HECW1: variants seen among roughly 807,000 people sequenced by gnomAD.
HECW1 encodes the protein E3 ubiquitin-protein ligase HECW1.
Under a neutral mutation model 182.3 loss-of-function variants are expected in HECW1, and 61 were observed. That is an observed-to-expected ratio of 0.33 (90% CI 0.27 to 0.41). The LOEUF (loss-of-function observed/expected upper bound fraction) is 0.41, where lower values mean the gene tolerates loss of function less well. Among genes scored for constraint, HECW1 ranks in the 10% least tolerant of loss-of-function variants. The pLI, the probability that HECW1 is intolerant of heterozygous loss-of-function variation, is 1.00. For synonymous variants in HECW1, 859 were observed against 832.6 expected (o/e 1.03, Z -0.55); for missense variants, 1,739 against 2,108.9 (o/e 0.82, Z 3.44).
chr7:43,162,774 A>G (rs2152658430), intron 2 of HECW1, among the ~76,000 whole-genome samples: 1 of 152,326 alleles, frequency 6.6e-6, no homozygotes, highest in South Asian at 2.1e-4. Context: ...CTCCCATACT[A>G]CTGTAATAAT....
At chr7:43,366,325 A>G (rs568456002) in intron 6 of HECW1, among the ~76,000 whole-genome samples, 1 of 152,328 alleles carries the variant, frequency 6.6e-6, no homozygotes, top group Admixed American at 6.5e-5. Context: ...AGTCTCCTGC[A>G]GTGGACAAAT....
chr7:43,366,399 T>C (rs1401260533), intron 6 of HECW1, among the ~76,000 whole-genome samples: 1 of 152,200 alleles, frequency 6.6e-6, no homozygotes, highest in African/African-American at 2.4e-5. Flanking sequence ...GTAGCATTTT[T>C]CTTGGGGATT....
chr7:43,450,315 T>A (rs1220035517), intron 11 of HECW1, among the ~76,000 whole-genome samples: 1 of 152,092 alleles, frequency 6.6e-6, no homozygotes, highest in East Asian at 1.9e-4. Flanking sequence ...CCTTGACCTG[T>A]CTTGGTACCA....
chr7:43,215,750 C>T (rs1204416632), intron 2 of HECW1, among the ~76,000 whole-genome samples: 1 of 152,160 alleles, frequency 6.6e-6, no homozygotes, highest in East Asian at 1.9e-4. Context: ...TGAAAGACAT[C>T]TACTTAACTG....
chr7:43,456,322 C>T lies in HECW1; in HGVS notation c.2526C>T (p.His842=), dbSNP rs747591150. The T allele has an allele frequency of 2.7e-5, 44 of 1,612,992 alleles. No individual in the cohort carries two copies. Among genetic ancestry groups the T allele is most frequent in the African/African-American group, 9.3e-5 (7 of 74,890 alleles). ...ACTGGGAAGCTCGAATTGACAGCCA[C>T]GGGCGGGTCTTTTATGTGGACCACG... ...PPNWEARIDS[H]GRVFYVDHVN... The change falls in exon 13 of 30, where the codon CAC becomes CAT. Residue 842 remains histidine, a synonymous_variant. Transcript: ENST00000395891.
intron 3 of HECW1, chr7:43,248,790 C>G (rs1044047131): frequency 6.6e-6 from 1 of 151,476 alleles, no homozygotes; most frequent in African/African-American, 2.4e-5. Flanking sequence ...TTTCCCCTCC[C>G]CCTCCTCATA....
At chr7:43,118,482 C>T (rs1178766123) in intron 2 of HECW1, 1 of 152,470 alleles carries the variant, frequency 6.6e-6, no homozygotes, top group Admixed American at 6.5e-5. Context: ...TCAGTGCCGT[C>T]AGTACCAGAG....
chr7:43,129,622 GAAAAAC>G (rs1562576351), intron 2 of HECW1, among the ~76,000 whole-genome samples: 3 of 152,088 alleles, frequency 2.0e-5, no homozygotes, highest in Non-Finnish European at 2.9e-5. Flanking sequence ...ATAGGTAATT[GAAAAAC>G]AAAAACAAAA....
At chr7:43,294,375 G>T (rs577259820) in intron 3 of HECW1, among the ~76,000 whole-genome samples, 3 of 152,284 alleles carry the variant, frequency 2.0e-5, no homozygotes, top group South Asian at 2.1e-4. Context: ...ATGGGGGGAG[G>T]GGGGAGGATG....
chr7:43,357,581 G>A (rs1024648752), intron 5 of HECW1, among the ~76,000 whole-genome samples: 1 of 152,098 alleles, frequency 6.6e-6, no homozygotes, highest in Non-Finnish European at 1.5e-5. Flanking sequence ...GGAAGAAGAA[G>A]ATGAATAGAG....
intron 3 of HECW1, among the ~76,000 whole-genome samples, chr7:43,271,809 A>C (rs1040987514): frequency 6.6e-6 from 1 of 152,184 alleles, no homozygotes; most frequent in Non-Finnish European, 1.5e-5. Context: ...TATTCTTATC[A>C]AACTATCAGT....
At chr7:43,184,566 G>A (rs1461038494) in intron 2 of HECW1, among the ~76,000 whole-genome samples, 1 of 152,136 alleles carries the variant, frequency 6.6e-6, no homozygotes, top group African/African-American at 2.4e-5. Flanking sequence ...TCAGGATAGG[G>A]GCTGGTCATA....
intron 2 of HECW1, among the ~76,000 whole-genome samples, chr7:43,153,696 C>T (rs73097386): frequency 0.048 from 7,374 of 152,192 alleles, 259 homozygotes; most frequent in East Asian, 0.13. Context: ...GTTGTCCAGA[C>T]GTCATTTTCC....
intron 2 of HECW1, chr7:43,239,035 C>T (rs1168636716): frequency 6.6e-6 from 1 of 152,152 alleles, no homozygotes; most frequent in Non-Finnish European, 1.5e-5. Context: ...TGGGACAAAA[C>T]AAAATCAGTC....
intron 6 of HECW1, among the ~76,000 whole-genome samples, chr7:43,377,090 C>T (rs559850495): frequency 1.3e-5 from 2 of 152,266 alleles, no homozygotes; most frequent in Admixed American, 1.3e-4. Flanking sequence ...CAGAGGCATT[C>T]GGACAAGTCA....
rs2074824728 is a variant in HECW1 at position 43,386,939 on chromosome 7, C to T, written c.556-9875C>T. Among the ~76,000 whole-genome samples, 4 of 152,170 alleles carry T rather than the reference C, an allele frequency of 2.6e-5. No homozygotes were observed. The South Asian group carries it at 6.2e-4, about 24-fold the overall frequency. On this transcript the variant is annotated intron_variant, in intron 6 of 29. Transcript: ENST00000395891. ...GGATAGAAACATAAGGCCAAGACTACCCACATATTAAGTCAATCCAGATGA... is the reference window on the plus strand; with the variant it reads ...GGATAGAAACATAAGGCCAAGACTATCCACATATTAAGTCAATCCAGATGA...
chr7:43,155,578 T>C (rs1221498211), intron 2 of HECW1, among the ~76,000 whole-genome samples: 1 of 152,260 alleles, frequency 6.6e-6, no homozygotes, highest in Admixed American at 6.5e-5. Context: ...TATGTATTAT[T>C]GAAATGCTTT....
intron 3 of HECW1, chr7:43,311,527 C>G: frequency 1.4e-6 from 1 of 718,834 alleles, no homozygotes; most frequent in Non-Finnish European, 2.6e-6. Context: ...TCCAACAAAA[C>G]ATGGAAACGC....
chr7:43,345,322 G>A (rs2152802853), intron 5 of HECW1, among the ~76,000 whole-genome samples: 1 of 152,326 alleles, frequency 6.6e-6, no homozygotes, highest in East Asian at 1.9e-4. Flanking sequence ...GAGGCACTCA[G>A]GTGTGCAGCC....
Sources: gnomAD v4.1 joint callset for allele counts (sites outside exome capture counted in the v4.1 genomes callset) on GRCh38, gnomAD v4.1.1 for gene constraint, MANE v1.5 for transcripts, NCBI Gene and HGNC (gene_info 2026-07-23, HGNC 2026-07-21) for gene names.